ACSL6: variants seen among roughly 807,000 people sequenced by gnomAD.
The protein encoded by ACSL6 is acyl-CoA synthetase long chain family member 6.
ACSL6 carries 47 observed loss-of-function variants against 98.2 expected under a neutral mutation model. The ratio of observed to expected loss-of-function variants is 0.48; its 90% CI spans 0.38 to 0.61. ACSL6 has a LOEUF of 0.61. ACSL6 is among the 20% of genes least tolerant of loss of function. ACSL6 has a pLI of 0.00. For missense variants in ACSL6, 761 were observed against 913.4 expected (o/e 0.83, Z 2.15); for synonymous variants, 362 against 336.9 (o/e 1.07, Z -0.82).
intron 1 of ACSL6, among the ~76,000 whole-genome samples, chr5:132,006,156 G>A (rs781051666): frequency 3.9e-5 from 6 of 152,316 alleles, no homozygotes; most frequent in South Asian, 2.1e-4. Context: ...GAGAGGAAGG[G>A]TATCTCTGGG....
intron 1 of ACSL6, among the ~76,000 whole-genome samples, chr5:132,000,039 G>GT (rs1376055439): frequency 6.6e-6 from 1 of 152,140 alleles, no homozygotes; most frequent in Non-Finnish European, 1.5e-5. Flanking sequence ...GTAGTGGGGA[G>GT]TAGGGGATGG....
chr5:131,993,914 G>T, intron 2 of ACSL6, 117 bp downstream of exon 2: 1 of 1,080,528 alleles, frequency 9.3e-7, no homozygotes, highest in Non-Finnish European at 1.3e-6. Flanking sequence ...ACTGCCAGGG[G>T]AGACACCTTC....
intron 6 of ACSL6, 164 bp downstream of exon 6, chr5:131,988,641 C>T: frequency 6.8e-6 from 11 of 1,612,526 alleles, no homozygotes; most frequent in Non-Finnish European, 9.3e-6. Flanking sequence ...CCAGGGACAG[C>T]TTGACTCAGG....
intron 10 of ACSL6, chr5:131,975,299 G>A (rs1753559017): frequency 1.0e-6 from 1 of 985,398 alleles, no homozygotes; most frequent in Non-Finnish European, 1.2e-6. Context: ...AGCAGAGTGG[G>A]CTCCGCAGGG....
chr5:131,997,243 C>A (rs1754839360), intron 1 of ACSL6, among the ~76,000 whole-genome samples: 1 of 152,236 alleles, frequency 6.6e-6, no homozygotes, highest in Non-Finnish European at 1.5e-5. Context: ...TTGACCCTCA[C>A]AACAGCTGCA....
At chr5:131,967,863 C>T (rs1580638777) in intron 16 of ACSL6, 77 bp downstream of exon 16, 9 of 1,315,656 alleles carry the variant, frequency 6.8e-6, no homozygotes, top group Non-Finnish European at 9.7e-6. Context: ...AAAGGAAAAT[C>T]ATTCCATCCC....
intron 1 of ACSL6, chr5:132,003,697 A>G (rs1755217371): frequency 6.6e-6 from 1 of 152,258 alleles, no homozygotes; most frequent in Non-Finnish European, 1.5e-5. Flanking sequence ...CGTTGTTCAC[A>G]CTGACCCACT....
chr5:131,972,835 T>C lies in ACSL6; in HGVS notation c.1227A>G (p.Pro409=), dbSNP rs149253862. 2.5e-6 allele frequency: 4 copies of C among 1,614,082 alleles called. No individual in the cohort carries two copies. The highest frequency in any genetic ancestry group is 2.5e-6 in the Non-Finnish European group (3 of 1,180,040). Residue 409 remains proline, a synonymous_variant, in exon 13 of 21, where the codon CCA becomes CCG. Transcript: ENST00000651883. ...CAAACTCCAGGAGCCAGCGCTTTAA[T>C]GGTGTGTTTGCCTGGCTGAAGATCT... ...YDKIFSQANT[P]LKRWLLEFAA...
intron 14 of ACSL6, among the ~76,000 whole-genome samples, chr5:131,971,270 A>G (rs1753292345): frequency 6.6e-6 from 1 of 152,152 alleles, no homozygotes; most frequent in Non-Finnish European, 1.5e-5. Flanking sequence ...CACATTGATG[A>G]TCTGTCTATG....
In ACSL6 at chr5:131,974,947, G is replaced by T. The variant is rs148019344; in HGVS notation, c.1014C>A (p.Asp338Glu). ...VTEKVIFPRQ[D>E]DVLISFLPLA... Reference sequence around the variant, plus strand: ...GAGGCAGGAAGGAGATGAGCACATCGTCCTGTCTCGGAAAGATCACTTTCT... The same window carrying T: ...GAGGCAGGAAGGAGATGAGCACATCTTCCTGTCTCGGAAAGATCACTTTCT... Residue 338 changes from aspartate (D) to glutamate (E), a missense_variant, in exon 11 of 21, where the codon GAC becomes GAA. By Grantham distance (45) the Asp-to-Glu change is conservative. Coordinates refer to ENST00000651883, the MANE Select transcript of ACSL6 (RefSeq NM_001009185.3). 3 of 1,614,060 alleles carry T rather than the reference G, an allele frequency of 1.9e-6. No individual in the cohort carries two copies. Among genetic ancestry groups the T allele is most frequent in the Non-Finnish European group, 2.5e-6 (3 of 1,179,986 alleles).
At chr5:131,973,499 A>T in intron 11 of ACSL6, 99 bp from the exon 12 acceptor site, 1 of 1,306,276 alleles carries the variant, frequency 7.7e-7, no homozygotes, top group Non-Finnish European at 1.0e-6. Context: ...GAGGGCACCC[A>T]TGACCCCCTG....
At chr5:132,004,853 T>A (rs1053475513) in intron 1 of ACSL6, among the ~76,000 whole-genome samples, 2 of 152,102 alleles carry the variant, frequency 1.3e-5, no homozygotes, top group African/African-American at 2.4e-5. Context: ...AGAATATGCA[T>A]GAGTTGGCTG....
In ACSL6 at chr5:131,988,842, G is replaced by A. The variant is rs1237590204; in HGVS notation, c.615C>T (p.Thr205=). 4 of 1,613,800 alleles carry A rather than the reference G, an allele frequency of 2.5e-6. No homozygotes were observed. The highest frequency in any genetic ancestry group is 2.5e-6 in the Non-Finnish European group (3 of 1,179,976). ...YSMVVVPLYD[T]LGPGAIRYII... is the part of the protein sequence containing the mutation. ...TGTAGCGGATAGCCCCAGGGCCCAG[G>A]GTGTCATAGAGCGGGACCACCACCA... The change falls in exon 6 of 21, where the codon ACC becomes ACT. Residue 205 remains threonine (T), a synonymous_variant. Coordinates refer to ENST00000651883, the MANE Select transcript of ACSL6 (RefSeq NM_001009185.3).
Position 131,953,293 on chromosome 5 carries a change from T to C in ACSL6, c.*941A>G, listed in dbSNP as rs1347561049. On this transcript the variant is annotated 3_prime_UTR_variant, in exon 21 of 21. Coordinates refer to ENST00000651883, the MANE Select transcript of ACSL6 (RefSeq NM_001009185.3). Reference sequence around the variant, plus strand: ...GTATTGAAAGGTCTTTGTAAGTTACTATATAAATATGACATGTGTTTTAAT... The same window carrying C: ...GTATTGAAAGGTCTTTGTAAGTTACCATATAAATATGACATGTGTTTTAAT... 2 of 187,086 alleles carry C rather than the reference T, an allele frequency of 1.1e-5. No individual in the cohort carries two copies. Among genetic ancestry groups the C allele is most frequent in the African/African-American group, 4.7e-5 (2 of 42,810 alleles). The allele number at this position is 187,086 out of a possible 1,614,324, so 11.6% of individuals were successfully genotyped here. A position where few individuals can be genotyped will look rare whatever the true frequency, so the allele number is the denominator to read the frequency against.
At chr5:131,959,338 G>A (rs1271295731) in intron 20 of ACSL6, among the ~76,000 whole-genome samples, 198 bp downstream of exon 20, 1 of 152,196 alleles carries the variant, frequency 6.6e-6, no homozygotes, top group African/African-American at 2.4e-5. Context: ...ATAAGGATGG[G>A]TGCAATCTCT....
chr5:131,966,322 G>A (rs943434219), intron 17 of ACSL6, 94 bp downstream of exon 17: 1 of 1,217,270 alleles, frequency 8.2e-7, no homozygotes, highest in Non-Finnish European at 1.2e-6. Flanking sequence ...TCATTGTCAG[G>A]GGGGATTTGG....
intron 1 of ACSL6, among the ~76,000 whole-genome samples, chr5:132,000,596 C>T (rs751197793): frequency 2.0e-5 from 3 of 152,002 alleles, no homozygotes; most frequent in African/African-American, 4.8e-5. Context: ...ATGATCACTG[C>T]GTATTTTGAA....
rs1432016774 is a variant in ACSL6, at chr5:131,967,806, C to T, written c.1596+134G>A. The T allele has an allele frequency of 1.5e-5, 11 of 717,630 alleles. No individual in the cohort carries two copies. In the Admixed American group the frequency reaches 2.4e-4, roughly 15 times the overall value. 44.5% of individuals were successfully genotyped at this position (717,630 alleles called of 1,614,324 possible). On this transcript the variant is annotated intron_variant, in intron 16 of 20. Transcript: ENST00000651883. Reference sequence around the variant, plus strand: ...ACAGGAGAGGAGATGCTGAGTTGAGCTGAGTCAAATTAATCAGTAGTTTAA... The same window carrying T: ...ACAGGAGAGGAGATGCTGAGTTGAGTTGAGTCAAATTAATCAGTAGTTTAA...
chr5:131,978,988 A>C (rs1580658664), intron 9 of ACSL6, among the ~76,000 whole-genome samples: 1 of 152,244 alleles, frequency 6.6e-6, no homozygotes, highest in East Asian at 1.9e-4. Context: ...GACACAGAAG[A>C]TTATGACATG....
Sources: gnomAD v4.1 joint callset for allele counts (sites outside exome capture counted in the v4.1 genomes callset) on GRCh38, gnomAD v4.1.1 for gene constraint, MANE v1.5 for transcripts, NCBI Gene and HGNC (gene_info 2026-07-23, HGNC 2026-07-21) for gene names.